U2SURP: variants seen among roughly 807,000 people sequenced by gnomAD.
U2SURP encodes the protein U2 snRNP-associated SURP motif-containing protein.
A neutral mutation model predicts 144.9 loss-of-function variants in U2SURP; 9 were observed. That is an observed-to-expected ratio of 0.06 (90% CI 0.04 to 0.11). The LOEUF is 0.11. Ranked by LOEUF, U2SURP falls within the 10% of genes least tolerant of loss-of-function variation. U2SURP has a pLI of 1.00. For synonymous variants in U2SURP, 408 were observed against 396.8 expected (o/e 1.03, Z -0.33); for missense variants, 724 against 1,226.7 (o/e 0.59, Z 6.12).
chr3:143,045,366 CAAAAAAAAA>C (rs11356372), intron 24 of U2SURP, among the ~76,000 whole-genome samples: 8 of 75,424 alleles, frequency 1.1e-4, no homozygotes, highest in Admixed American at 3.1e-4. Flanking sequence ...GAGACGCCGT[CAAAAAAAAA>C]AAAAAAAAAA....
At position 143,057,798 on chromosome 3, in the gene U2SURP, AT is replaced by A. The variant is rs1935218093; in HGVS notation, c.*1349del. On this transcript the variant is annotated 3_prime_UTR_variant, in exon 28 of 28. Transcript: ENST00000473835. ...TTGATTTAGCTTGCTTTTTAAAAAAATCTTTTCAACTTGTTTTACTTAATCT... is the reference window on the plus strand; with the variant it reads ...TTGATTTAGCTTGCTTTTTAAAAAAACTTTTCAACTTGTTTTACTTAATCT... 1 of 152,212 alleles carries A rather than the reference AT, an allele frequency of 6.6e-6. No individual in the cohort carries two copies. The highest frequency in any genetic ancestry group is 2.4e-5 in the African/African-American group (1 of 41,412). 9.4% of individuals were successfully genotyped at this position (152,212 alleles called of 1,614,324 possible).
intron 26 of U2SURP, 106 bp downstream of exon 26, chr3:143,053,900 T>C (rs1430410588): frequency 3.0e-6 from 3 of 984,188 alleles, no homozygotes; most frequent in African/African-American, 3.3e-5. Flanking sequence ...TGTTTGTTCA[T>C]GATAAACTTG....
At position 143,012,373 on chromosome 3, in the gene U2SURP, G is replaced by C; in HGVS notation, c.222+20G>C. On this transcript the variant is annotated intron_variant, in intron 3 of 27. Coordinates refer to ENST00000473835, the MANE Select transcript of U2SURP (RefSeq NM_001080415.2). ...TCAAGAGTGAGTATAGATAAGATAA[G>C]GTAAAGATAAGAAAGGATAGTTAAT... is the stretch of plus-strand genomic sequence containing the variant. 1 of 1,582,422 alleles carries C rather than the reference G, an allele frequency of 6.3e-7. No individual in the cohort carries two copies. The highest frequency in any genetic ancestry group is 1.2e-5 in the South Asian group (1 of 85,470).
chr3:143,028,261 T>C, intron 14 of U2SURP, 79 bp from the exon 15 acceptor site: 2 of 1,433,928 alleles, frequency 1.4e-6, no homozygotes, highest in Non-Finnish European at 1.9e-6. Context: ...GCAAATAATA[T>C]TTCTCATTTA....
intron 23 of U2SURP, among the ~76,000 whole-genome samples, chr3:143,042,916 G>T (rs1415518554): frequency 1.3e-5 from 2 of 152,040 alleles, no homozygotes; most frequent in Non-Finnish European, 2.9e-5. Context: ...CATTTTCTGT[G>T]GAGGAAAGAA....
rs190246926 is a variant in U2SURP, at chr3:143,018,676, A to G, written c.571-1293A>G. Among the ~76,000 whole-genome samples, 30 of 152,230 alleles carry G rather than the reference A, an allele frequency of 2.0e-4. No homozygotes were observed. In the East Asian group the frequency reaches 5.2e-3, roughly 26 times the overall value. On this transcript the variant is annotated intron_variant, in intron 6 of 27. Coordinates refer to ENST00000473835, the MANE Select transcript of U2SURP (RefSeq NM_001080415.2). ...GGTTGTATCACTTTACAGTTCCACC[A>G]GTAATGTATGAGGGTTCCAGTTTTC... is the stretch of plus-strand genomic sequence containing the variant.
intron 24 of U2SURP, 56 bp downstream of exon 24, chr3:143,043,332 C>G: frequency 6.6e-7 from 1 of 1,516,300 alleles, no homozygotes; most frequent in Admixed American, 2.1e-5. Context: ...CTTTCTCCAC[C>G]AAACTAAGTT....
At position 143,052,168 on chromosome 3, in the gene U2SURP, G is replaced by A. The variant is rs114125178; in HGVS notation, c.2655+1119G>A. Among the ~76,000 whole-genome samples, 977 of 152,196 alleles carry A rather than the reference G, an allele frequency of 6.4e-3. 9 individuals carry two copies. Among genetic ancestry groups the A allele is most frequent in the African/African-American group, 0.022 (924 of 41,520 alleles). On this transcript the variant is annotated intron_variant, in intron 25 of 27. Transcript: ENST00000473835. Reference sequence around the variant, plus strand: ...TCGGGAGGCCGGGCAATCACCTCAGGCAAATCACCTGAGGTCAGGAGTTCA... The same window carrying A: ...TCGGGAGGCCGGGCAATCACCTCAGACAAATCACCTGAGGTCAGGAGTTCA...
chr3:143,047,598 G>A (rs1225424807), intron 24 of U2SURP, among the ~76,000 whole-genome samples: 3 of 40,168 alleles, frequency 7.5e-5, no homozygotes, highest in African/African-American at 3.6e-4. Context: ...CCTCCCTCCC[G>A]GACGGGGCGG....
At chr3:143,004,932 A>G (rs915818729) in intron 1 of U2SURP, among the ~76,000 whole-genome samples, 1 of 152,066 alleles carries the variant, frequency 6.6e-6, no homozygotes, top group African/African-American at 2.4e-5. Context: ...AGAGCCTGTA[A>G]TTGTTTACTT....
chr3:143,029,760 CAGTG>C (rs1171587451), intron 16 of U2SURP, among the ~76,000 whole-genome samples: 1 of 152,176 alleles, frequency 6.6e-6, no homozygotes, highest in Non-Finnish European at 1.5e-5. Context: ...TTGCACCAAA[CAGTG>C]AGCCAAGTTA....
intron 1 of U2SURP, among the ~76,000 whole-genome samples, chr3:143,006,601 C>T (rs1044618284): frequency 2.0e-5 from 3 of 152,058 alleles, no homozygotes; most frequent in African/African-American, 4.8e-5. Flanking sequence ...GCTGAAAATA[C>T]AAAATTAGCT....
chr3:143,024,463 G>C (rs1189385190), intron 13 of U2SURP: 1 of 432,122 alleles, frequency 2.3e-6, no homozygotes, highest in South Asian at 1.7e-5. Context: ...TTTGTTTTTT[G>C]TTTTTTCAAT....
chr3:143,050,685 T>C (rs1438683673), intron 24 of U2SURP, among the ~76,000 whole-genome samples: 1 of 152,194 alleles, frequency 6.6e-6, no homozygotes, highest in Non-Finnish European at 1.5e-5. Context: ...TATAATTGTG[T>C]TGAGAGAATA....
chr3:143,020,865 G>A (rs1377622415), intron 8 of U2SURP, among the ~76,000 whole-genome samples, 172 bp downstream of exon 8: 5 of 151,488 alleles, frequency 3.3e-5, no homozygotes, highest in Non-Finnish European at 7.4e-5. Flanking sequence ...TGTAAATTAG[G>A]CACAGTAAGA....
rs544810677 is a variant in U2SURP at position 143,034,319 on chromosome 3, G to A, written c.1854-569G>A. On this transcript the variant is annotated intron_variant, in intron 18 of 27. Transcript: ENST00000473835. ...CTCGGGAAGCTGAGGCAGGAGAATC[G>A]CTTGAACCCGGGAGGCGGAGGTTGC... is the stretch of plus-strand genomic sequence containing the variant. Among the ~76,000 whole-genome samples, 613 of 152,090 alleles carry A rather than the reference G, an allele frequency of 4.0e-3. 3 individuals are homozygous for A. Among genetic ancestry groups the A allele is most frequent in the African/African-American group, 0.014 (569 of 41,488 alleles).
At position 143,051,089 on chromosome 3, in the gene U2SURP, GTTAT is replaced by G. The variant is rs753144292; in HGVS notation, c.2655+47_2655+50del. The stretch of plus-strand genomic sequence containing the variant: ...TACCCAATAATACACATATTTTGAA[GTTAT>G]TTATTTGACTTCCTAGAATACTGGT... On this transcript the variant is annotated intron_variant, in intron 25 of 27. Coordinates refer to ENST00000473835, the MANE Select transcript of U2SURP (RefSeq NM_001080415.2). 7.7e-6 allele frequency: 10 copies of G among 1,301,288 alleles called. No homozygotes were observed. In the African/African-American group the frequency reaches 1.2e-4, roughly 16 times the overall value. 80.6% of individuals were successfully genotyped at this position (1,301,288 alleles called of 1,614,324 possible). A position where few individuals can be genotyped will look rare whatever the true frequency, so the allele number is the denominator to read the frequency against.
At chr3:143,020,533 C>T (rs768220278) in intron 7 of U2SURP, 66 bp from the exon 8 acceptor site, 42 of 1,007,322 alleles carry the variant, frequency 4.2e-5, no homozygotes, top group Admixed American at 2.0e-4. Flanking sequence ...ATTTGATAAG[C>T]GCTATTCTGA....
At chr3:143,027,125 T>G in intron 13 of U2SURP, 24 bp from the exon 14 acceptor site, 1 of 1,577,356 alleles carries the variant, frequency 6.3e-7, no homozygotes, top group Non-Finnish European at 8.7e-7. Context: ...GAATCCATTT[T>G]CTTTAACTGT....
Sources: allele counts gnomAD v4.1 joint callset (sites outside exome capture counted in the v4.1 genomes callset), GRCh38; gene constraint gnomAD v4.1.1; transcripts MANE v1.5; gene names NCBI Gene and HGNC (gene_info 2026-07-23, HGNC 2026-07-21).